Variants in MYO3A observed in about 807,000 individuals in gnomAD.
MYO3A encodes the protein myosin-IIIa.
A neutral mutation model predicts 192.7 loss-of-function variants in MYO3A; 180 were observed. The ratio of observed to expected loss-of-function variants is 0.93; its 90% CI spans 0.83 to 1.06. The LOEUF is 1.06. MYO3A is among the 50% of genes least tolerant of loss of function. The pLI is 0.00. For synonymous variants in MYO3A, 628 were observed against 645.3 expected, an observed-to-expected ratio of 0.97 and a Z score of 0.41; for missense variants, 1,896 against 1,905.0, an observed-to-expected ratio of 1.00 and a Z score of 0.09.
At chr10:26,110,243 T>G (rs1838079063) in intron 17 of MYO3A, among the ~76,000 whole-genome samples, 1 of 152,208 alleles carries the variant, frequency 6.6e-6, no homozygotes, top group Non-Finnish European at 1.5e-5. Flanking sequence ...CTATATCTAC[T>G]ACACTGCAGC....
chr10:26,065,488 G>C (rs1380949719), intron 10 of MYO3A, among the ~76,000 whole-genome samples: 1 of 149,656 alleles, frequency 6.7e-6, no homozygotes, highest in African/African-American at 2.5e-5. Context: ...GGGAAGCTGA[G>C]GCAGGAGAAT....
At chr10:25,976,477 A>G (rs1838971986) in intron 4 of MYO3A, among the ~76,000 whole-genome samples, 1 of 152,148 alleles carries the variant, frequency 6.6e-6, no homozygotes, top group Non-Finnish European at 1.5e-5. Flanking sequence ...ATTAGCAATC[A>G]TTTTTCAGAA....
intron 14 of MYO3A, among the ~76,000 whole-genome samples, chr10:26,083,733 A>G (rs1308321067): frequency 2.0e-5 from 3 of 152,208 alleles, no homozygotes; most frequent in East Asian, 3.9e-4. Flanking sequence ...ATGGTCTTCT[A>G]TAACTCATAT....
chr10:26,036,033 A>G (rs559785768), intron 10 of MYO3A, among the ~76,000 whole-genome samples: 56 of 151,940 alleles, frequency 3.7e-4, no homozygotes, highest in Admixed American at 3.7e-3. Flanking sequence ...TCCCGGGTTC[A>G]CACCATTCTC....
chr10:26,140,376 CAAAATTCAATGA>C (rs561899724), intron 20 of MYO3A, among the ~76,000 whole-genome samples: 58 of 152,238 alleles, frequency 3.8e-4, no homozygotes, highest in African/African-American at 1.3e-3. Context: ...GACTCAGACT[CAAAATTCAATGA>C]AAAACAAGGG....
At chr10:26,053,264 G>C (rs1038661978) in intron 10 of MYO3A, among the ~76,000 whole-genome samples, 1 of 152,058 alleles carries the variant, frequency 6.6e-6, no homozygotes. Flanking sequence ...TATTTAATTT[G>C]TTTATAACCA....
chr10:26,055,323 C>T (rs1844250151), intron 10 of MYO3A, among the ~76,000 whole-genome samples: 1 of 152,220 alleles, frequency 6.6e-6, no homozygotes, highest in Non-Finnish European at 1.5e-5. Flanking sequence ...ATCCTAACAA[C>T]CAGTGAAAAC....
chr10:26,035,282 C>T (rs148532419), intron 10 of MYO3A, among the ~76,000 whole-genome samples: 8 of 152,104 alleles, frequency 5.3e-5, no homozygotes, highest in African/African-American at 1.7e-4. Flanking sequence ...GGCTTTTTAA[C>T]GTGGTCTCCA....
At position 26,013,983 on chromosome 10, in the gene MYO3A, G is replaced by A. The variant is rs192198829; in HGVS notation, c.509-2837G>A. On this transcript the variant is annotated intron_variant, in intron 6 of 34. Coordinates refer to ENST00000642920, the MANE Select transcript of MYO3A (RefSeq NM_017433.5). ...TAATGTCTTTTGTAACAACTTGGAT[G>A]GAGCTGGAGGCCATTATGCTAAGTG... Among the ~76,000 whole-genome samples, 57 of 152,222 alleles carry A rather than the reference G, an allele frequency of 3.7e-4. 2 individuals are homozygous for A. The South Asian group carries it at 8.5e-3, about 23-fold the overall frequency.
rs751676943 is a variant in MYO3A, at chr10:26,096,698, A to C, written c.1776+16A>C. 6.7e-7 allele frequency: 1 copy of C among 1,484,278 alleles called. No individual in the cohort carries two copies. The highest frequency in any genetic ancestry group is 1.1e-5 in the South Asian group (1 of 88,352). The allele number at this position is 1,484,278 out of a possible 1,614,324, so 91.9% of individuals were successfully genotyped here. On this transcript the variant is annotated intron_variant, in intron 17 of 34. Transcript: ENST00000642920. ...TACAATGGAGGTAAGTATGAAAGAC[A>C]CTTGAACTTCTTTAGAAAGTATCTT...
At chr10:26,041,233 G>T (rs1386020186) in intron 10 of MYO3A, among the ~76,000 whole-genome samples, 1 of 151,850 alleles carries the variant, frequency 6.6e-6, no homozygotes, top group African/African-American at 2.4e-5. Context: ...GGTTCCGGTT[G>T]GCATAGAATA....
chr10:25,969,028 A>G (rs1838442531), intron 4 of MYO3A, among the ~76,000 whole-genome samples: 1 of 152,232 alleles, frequency 6.6e-6, no homozygotes, highest in Admixed American at 6.5e-5. Flanking sequence ...TGACAAGGTC[A>G]GGAGATCAAG....
At chr10:26,093,306 A>G (rs1416689551) in intron 15 of MYO3A, among the ~76,000 whole-genome samples, 3 of 152,244 alleles carry the variant, frequency 2.0e-5, no homozygotes, top group African/African-American at 7.2e-5. Flanking sequence ...AGTGTGCTTC[A>G]TTAGAAGAAA....
intron 15 of MYO3A, among the ~76,000 whole-genome samples, chr10:26,096,009 C>A (rs576337526): frequency 1.6e-4 from 25 of 152,220 alleles, no homozygotes; most frequent in African/African-American, 5.8e-4. Context: ...CAATGTAGCA[C>A]TTGTAACCAC....
At chr10:26,167,803 C>T (rs531820985) in intron 27 of MYO3A, among the ~76,000 whole-genome samples, 2 of 152,132 alleles carry the variant, frequency 1.3e-5, no homozygotes, top group Non-Finnish European at 2.9e-5. Context: ...TGGTGCCAAG[C>T]TTTTAAGTAA....
chr10:26,085,210 T>G (rs939722226), intron 14 of MYO3A, among the ~76,000 whole-genome samples: 9 of 152,062 alleles, frequency 5.9e-5, no homozygotes, highest in African/African-American at 2.2e-4. Context: ...GAAACTCATT[T>G]TATTGATTCT....
chr10:26,101,704 T>G (rs1385042981), intron 17 of MYO3A, among the ~76,000 whole-genome samples: 1 of 152,192 alleles, frequency 6.6e-6, no homozygotes, highest in Non-Finnish European at 1.5e-5. Context: ...TTCTTTTCTT[T>G]AAGAATTTTG....
In MYO3A at chr10:25,955,008, GGTAA is replaced by G; in HGVS notation, c.303+3_303+6del. 1 of 1,612,714 alleles carries G rather than the reference GGTAA, an allele frequency of 6.2e-7. No individual in the cohort carries two copies. Among genetic ancestry groups the G allele is most frequent in the Non-Finnish European group, 8.5e-7 (1 of 1,179,058 alleles). ...GAGACAAGCTGTGGTTGGTTCTTGA[GGTAA>G]GTGTGTCAGCATCATTTGTATGGGT... On this transcript the variant is annotated splice_donor_variant and splice_donor_region_variant and intron_variant, in intron 4 of 34. Coordinates refer to ENST00000642920, the MANE Select transcript of MYO3A (RefSeq NM_017433.5). LOFTEE classifies it high-confidence loss of function.
intron 4 of MYO3A, among the ~76,000 whole-genome samples, chr10:25,985,255 A>AAAAAAAG (rs745441105): frequency 4.7e-5 from 7 of 147,456 alleles, no homozygotes; most frequent in African/African-American, 1.8e-4. Context: ...AAAAAAAAAA[A>AAAAAAAG]AAATTCTGAA....
Sources: allele counts gnomAD v4.1 joint callset (sites outside exome capture counted in the v4.1 genomes callset), GRCh38; gene constraint gnomAD v4.1.1; transcripts MANE v1.5; gene names NCBI Gene and HGNC (gene_info 2026-07-23, HGNC 2026-07-21).